Variants in PDE7A observed in about 807,000 individuals in gnomAD.
PDE7A encodes the protein high affinity 3',5'-cyclic-AMP phosphodiesterase 7A.
PDE7A carries 39 observed loss-of-function variants against 64.3 expected under a neutral mutation model. That is an observed-to-expected ratio of 0.61 (90% CI 0.47 to 0.79). PDE7A has a LOEUF of 0.79. Among genes scored for constraint, PDE7A ranks in the 30% least tolerant of loss-of-function variants. PDE7A has a pLI of 0.00. For synonymous variants in PDE7A, 203 were observed against 206.8 expected (o/e 0.98, Z 0.16); for missense variants, 470 against 582.8 (o/e 0.81, Z 1.99).
chr8:65,797,090 A>G (rs1386395651), intron 1 of PDE7A, among the ~76,000 whole-genome samples: 3 of 152,206 alleles, frequency 2.0e-5, no homozygotes, highest in Non-Finnish European at 4.4e-5. Flanking sequence ...CATAACCATA[A>G]ACATAAAATA....
intron 1 of PDE7A, among the ~76,000 whole-genome samples, chr8:65,840,272 C>CAG (rs981534478): frequency 2.0e-5 from 3 of 152,114 alleles, no homozygotes; most frequent in East Asian, 1.9e-4. Flanking sequence ...AAAAAGGATT[C>CAG]AGAGAGAGAC....
chr8:65,809,275 T>C (rs936456782), intron 1 of PDE7A, among the ~76,000 whole-genome samples: 1 of 152,224 alleles, frequency 6.6e-6, no homozygotes, highest in African/African-American at 2.4e-5. Flanking sequence ...ATAACAACCG[T>C]ATTTTGTTCC....
chr8:65,771,902 A>AG (rs1400787137), intron 3 of PDE7A, among the ~76,000 whole-genome samples: 80 of 151,246 alleles, frequency 5.3e-4, no homozygotes, highest in African/African-American at 1.6e-3. Flanking sequence ...AAAAAAAAAA[A>AG]AAAAAGAAGA....
chr8:65,827,819 A>G (rs1407148901), intron 1 of PDE7A, among the ~76,000 whole-genome samples: 1 of 152,178 alleles, frequency 6.6e-6, no homozygotes, highest in Non-Finnish European at 1.5e-5. Flanking sequence ...ATTTGTGTAA[A>G]TATGATGTTC....
chr8:65,816,822 T>C (rs570654822), intron 1 of PDE7A, among the ~76,000 whole-genome samples: 1 of 152,326 alleles, frequency 6.6e-6, no homozygotes, highest in East Asian at 1.9e-4. Context: ...ATGGGTCTCT[T>C]TGTATTAATC....
chr8:65,823,253 G>C (rs937796304), intron 1 of PDE7A, among the ~76,000 whole-genome samples: 1 of 152,002 alleles, frequency 6.6e-6, no homozygotes, highest in Admixed American at 6.6e-5. Flanking sequence ...CTTCCACAAA[G>C]TTTTTCTCCA....
chr8:65,806,344 T>C (rs890894432), intron 1 of PDE7A, among the ~76,000 whole-genome samples: 2 of 152,288 alleles, frequency 1.3e-5, no homozygotes, highest in East Asian at 1.9e-4. Context: ...AGATTATTAA[T>C]TGCCACAGGT....
chr8:65,817,208 T>C (rs1314464540), intron 1 of PDE7A, among the ~76,000 whole-genome samples: 1 of 152,240 alleles, frequency 6.6e-6, no homozygotes, highest in Non-Finnish European at 1.5e-5. Flanking sequence ...GTTGCAAAGA[T>C]AGTAGAGTGT....
chr8:65,759,455 GC>G (rs1808392825), intron 3 of PDE7A, among the ~76,000 whole-genome samples: 1 of 152,070 alleles, frequency 6.6e-6, no homozygotes, highest in African/African-American at 2.4e-5. Context: ...AGGCATATGG[GC>G]CATATCCCCA....
intron 1 of PDE7A, among the ~76,000 whole-genome samples, chr8:65,797,296 G>C (rs923941659): frequency 1.3e-5 from 2 of 152,194 alleles, no homozygotes; most frequent in African/African-American, 4.8e-5. Context: ...GGGTTAGTGT[G>C]GGCTCTAAAT....
chr8:65,808,287 A>G (rs1235653008), intron 1 of PDE7A, among the ~76,000 whole-genome samples: 3 of 152,146 alleles, frequency 2.0e-5, no homozygotes, highest in Non-Finnish European at 2.9e-5. Context: ...CTTTTCATCA[A>G]ATCTACCTTC....
At chr8:65,834,784 A>G (rs1369469336) in intron 1 of PDE7A, among the ~76,000 whole-genome samples, 2 of 152,182 alleles carry the variant, frequency 1.3e-5, no homozygotes, top group African/African-American at 4.8e-5. Context: ...TTGCTACTCA[A>G]AGAAAATTAT....
intron 1 of PDE7A, among the ~76,000 whole-genome samples, chr8:65,833,349 A>G (rs1482224039): frequency 6.6e-6 from 1 of 152,206 alleles, no homozygotes; most frequent in African/African-American, 2.4e-5. Flanking sequence ...AGAACAAAAT[A>G]CTCCAGATAG....
At chr8:65,810,314 A>AG in intron 1 of PDE7A, among the ~76,000 whole-genome samples, 1 of 123,046 alleles carries the variant, frequency 8.1e-6, no homozygotes, top group South Asian at 2.7e-4. Flanking sequence ...ACTTGGACAC[A>AG]GGGTGGGGAA....
intron 5 of PDE7A, among the ~76,000 whole-genome samples, chr8:65,745,063 T>G (rs1807610931): frequency 6.6e-6 from 1 of 152,212 alleles, no homozygotes; most frequent in African/African-American, 2.4e-5. Flanking sequence ...CTTGTGGTAG[T>G]GGATAAGTCT....
chr8:65,729,666 C>T (rs562622653), intron 7 of PDE7A, among the ~76,000 whole-genome samples: 87 of 151,564 alleles, frequency 5.7e-4, no homozygotes, highest in African/African-American at 2.0e-3. Context: ...CAGGTTCAAT[C>T]GATTCTCTTA....
chr8:65,790,937 G>A lies in PDE7A; in HGVS notation c.139-8094C>T, dbSNP rs565440266. 6.0e-4 allele frequency among the ~76,000 whole-genome samples: 91 copies of A among 152,296 alleles called. 3 individuals are homozygous for A. In the South Asian group the frequency reaches 0.018, roughly 31 times the overall value. Reference sequence around the variant, plus strand: ...GCGGTCATCTGTAAGAGGCTGTGCAGCCTGGGCCCCTGGCTTCGAGGTCAT... The same window carrying A: ...GCGGTCATCTGTAAGAGGCTGTGCAACCTGGGCCCCTGGCTTCGAGGTCAT... On this transcript the variant is annotated intron_variant, in intron 1 of 12. Transcript: ENST00000401827.
chr8:65,722,337 AC>A (rs1433517344), intron 12 of PDE7A: 1 of 152,224 alleles, frequency 6.6e-6, no homozygotes, highest in Non-Finnish European at 1.5e-5. Context: ...ATCGGCCACT[AC>A]CCACTTTCTT....
intron 1 of PDE7A, among the ~76,000 whole-genome samples, chr8:65,813,659 T>C (rs1406688968): frequency 6.6e-6 from 1 of 152,182 alleles, no homozygotes; most frequent in Non-Finnish European, 1.5e-5. Context: ...GCATTGACTT[T>C]ATTTTTTAAT....
Sources: allele counts gnomAD v4.1 joint callset (sites outside exome capture counted in the v4.1 genomes callset), GRCh38; gene constraint gnomAD v4.1.1; transcripts MANE v1.5; gene names NCBI Gene and HGNC (gene_info 2026-07-23, HGNC 2026-07-21).